Variants in GPC5 observed in about 807,000 individuals in gnomAD.
The protein encoded by GPC5 is glypican 5, also known as glypican-5.
In GPC5, 47 loss-of-function variants were observed where a neutral mutation model predicts 53.9. The ratio of observed to expected loss-of-function variants is 0.87; its 90% CI spans 0.69 to 1.11. The LOEUF (loss-of-function observed/expected upper bound fraction) is 1.11, where lower values mean the gene tolerates loss of function less well. GPC5 is among the 50% of genes most tolerant of loss of function. GPC5 has a pLI of 0.00. For missense variants in GPC5, 748 were observed against 713.1 expected (o/e 1.05, Z -0.56); for synonymous variants, 286 against 263.3 (o/e 1.09, Z -0.84).
At chr13:92,587,665 A>C (rs779206063) in intron 7 of GPC5, among the ~76,000 whole-genome samples, 26 of 152,304 alleles carry the variant, frequency 1.7e-4, no homozygotes, top group Non-Finnish European at 3.5e-4. Context: ...TATTGAGCCT[A>C]TGATTTGCTA....
chr13:92,207,400 C>T (rs1341675755), intron 7 of GPC5, among the ~76,000 whole-genome samples: 1 of 152,212 alleles, frequency 6.6e-6, no homozygotes, highest in East Asian at 1.9e-4. Flanking sequence ...CCCACAGCTG[C>T]AGCCCTAGTC....
chr13:92,136,633 G>A (rs925531040), intron 6 of GPC5, among the ~76,000 whole-genome samples: 1 of 152,132 alleles, frequency 6.6e-6, no homozygotes, highest in Non-Finnish European at 1.5e-5. Flanking sequence ...ATGATCGTAA[G>A]AGGAAGGGAA....
chr13:92,129,359 C>T (rs767630108), intron 6 of GPC5, among the ~76,000 whole-genome samples: 4 of 152,184 alleles, frequency 2.6e-5, no homozygotes, highest in Non-Finnish European at 4.4e-5. Context: ...TGACTTTCTC[C>T]CAACCCTATC....
chr13:92,724,002 TA>T (rs1888571614), intron 7 of GPC5, among the ~76,000 whole-genome samples: 1 of 151,632 alleles, frequency 6.6e-6, no homozygotes, highest in African/African-American at 2.4e-5. Context: ...AATATAAGTT[TA>T]AAAACTCCAA....
chr13:91,502,167 T>G (rs1019196709), intron 2 of GPC5, among the ~76,000 whole-genome samples: 2 of 152,132 alleles, frequency 1.3e-5, no homozygotes, highest in Admixed American at 1.3e-4. Context: ...ATGAGTAGAT[T>G]GCAAAAATTT....
intron 7 of GPC5, among the ~76,000 whole-genome samples, chr13:92,681,013 T>A (rs187839857): frequency 1.3e-5 from 2 of 152,150 alleles, no homozygotes; most frequent in East Asian, 3.9e-4. Context: ...TCCAGAGAAC[T>A]GTGAAGAGCT....
intron 4 of GPC5, among the ~76,000 whole-genome samples, chr13:91,739,853 T>C (rs2036892704): frequency 1.3e-5 from 2 of 151,302 alleles, no homozygotes; most frequent in Non-Finnish European, 2.9e-5. Flanking sequence ...GATGAAACTG[T>C]GGGGAGTTAT....
At chr13:92,120,380 C>T (rs1462107289) in intron 6 of GPC5, among the ~76,000 whole-genome samples, 1 of 152,136 alleles carries the variant, frequency 6.6e-6, no homozygotes, top group Non-Finnish European at 1.5e-5. Context: ...GCTTCAGCCT[C>T]CTGGGTAGCT....
At chr13:92,385,608 CAT>C (rs1438248828) in intron 7 of GPC5, among the ~76,000 whole-genome samples, 10 of 134,106 alleles carry the variant, frequency 7.5e-5, no homozygotes, top group South Asian at 2.3e-4. Context: ...CATATATACA[CAT>C]ATACATATAC....
intron 7 of GPC5, among the ~76,000 whole-genome samples, chr13:92,335,196 C>T (rs1210923794): frequency 6.6e-6 from 1 of 152,174 alleles, no homozygotes; most frequent in East Asian, 1.9e-4. Flanking sequence ...CCTCTGAAAT[C>T]TAGGTGGAAG....
chr13:92,514,922 T>C (rs1880714001), intron 7 of GPC5, among the ~76,000 whole-genome samples: 1 of 152,274 alleles, frequency 6.6e-6, no homozygotes, highest in East Asian at 1.9e-4. Flanking sequence ...TGCACCGTCA[T>C]TGACTGTCAT....
intron 7 of GPC5, among the ~76,000 whole-genome samples, chr13:92,579,318 CCTCCCT>C (rs1566302920): frequency 3.1e-5 from 3 of 98,310 alleles, no homozygotes. Flanking sequence ...TCCCTCCCTC[CCTCCCT>C]CTCTCTCTCT....
At chr13:92,422,328 T>A (rs1271122305) in intron 7 of GPC5, among the ~76,000 whole-genome samples, 2 of 152,184 alleles carry the variant, frequency 1.3e-5, no homozygotes, top group African/African-American at 2.4e-5. Context: ...TTTAGGCAGA[T>A]GTTTTCCGAA....
At chr13:91,785,568 T>G (rs958796403) in intron 5 of GPC5, among the ~76,000 whole-genome samples, 10 of 152,232 alleles carry the variant, frequency 6.6e-5, no homozygotes, top group African/African-American at 2.2e-4. Context: ...TCCAACTGCT[T>G]ACTTGGCATA....
intron 7 of GPC5, among the ~76,000 whole-genome samples, chr13:92,582,716 C>T (rs559664714): frequency 2.0e-5 from 3 of 152,052 alleles, no homozygotes; most frequent in South Asian, 4.2e-4. Flanking sequence ...TCTTTCATAT[C>T]CCTGGTTAAA....
At chr13:91,836,177 T>TAA (rs544761086) in intron 5 of GPC5, among the ~76,000 whole-genome samples, 26 of 152,186 alleles carry the variant, frequency 1.7e-4, no homozygotes, top group African/African-American at 6.0e-4. Context: ...ATGTTGTAAT[T>TAA]AAAAACTATT....
chr13:92,308,131 C>A (rs1471404285), intron 7 of GPC5, among the ~76,000 whole-genome samples: 2 of 152,092 alleles, frequency 1.3e-5, no homozygotes, highest in African/African-American at 4.8e-5. Flanking sequence ...TAACTTTGTT[C>A]AATGCCGTGA....
chr13:92,682,761 C>G (rs1887147637), intron 7 of GPC5, among the ~76,000 whole-genome samples: 1 of 152,132 alleles, frequency 6.6e-6, no homozygotes, highest in Admixed American at 6.6e-5. Context: ...AAAATTTTAT[C>G]AAATAGTTTC....
intron 7 of GPC5, among the ~76,000 whole-genome samples, chr13:92,150,850 C>A (rs557562178): frequency 3.6e-4 from 53 of 148,252 alleles, no homozygotes; most frequent in Admixed American, 2.2e-3. Context: ...CTTTTTTGAA[C>A]AACACAATGC....
Sources: allele counts gnomAD v4.1 joint callset (sites outside exome capture counted in the v4.1 genomes callset), GRCh38; gene constraint gnomAD v4.1.1; transcripts MANE v1.5; gene names NCBI Gene and HGNC (gene_info 2026-07-23, HGNC 2026-07-21).